STARD13: variants seen among roughly 807,000 people sequenced by gnomAD.
The protein encoded by STARD13 is stAR-related lipid transfer protein 13.
A neutral mutation model predicts 106.4 loss-of-function variants in STARD13; 62 were observed. The observed-to-expected ratio is 0.58, with a 90% confidence interval of 0.48 to 0.72. The LOEUF (loss-of-function observed/expected upper bound fraction) is 0.72. Among genes scored for constraint, STARD13 ranks in the 30% least tolerant of loss-of-function variants. The pLI, the probability that STARD13 is intolerant of heterozygous loss-of-function variation, is 0.00. For synonymous variants in STARD13, 565 were observed against 553.0 expected (o/e 1.02, Z -0.31); for missense variants, 1,387 against 1,424.0 (o/e 0.97, Z 0.42).
At chr13:33,622,295 A>C in the STARD13 span, among the ~76,000 whole-genome samples, 1 of 152,220 alleles carries the variant, frequency 6.6e-6, no homozygotes, top group African/African-American at 2.4e-5. Context: ...ACATAGACAT[A>C]AAATCTAACA....
the STARD13 span, among the ~76,000 whole-genome samples, chr13:33,638,963 T>C: frequency 1.3e-5 from 2 of 152,326 alleles, no homozygotes; most frequent in East Asian, 3.9e-4. Flanking sequence ...TTTTGGCATC[T>C]AATGACCTCA....
chr13:33,369,876 C>G, the STARD13 span, among the ~76,000 whole-genome samples: 3 of 152,106 alleles, frequency 2.0e-5, no homozygotes, highest in African/African-American at 7.2e-5. Flanking sequence ...AGTTCATAAG[C>G]TTTTAATTGT....
the STARD13 span, among the ~76,000 whole-genome samples, chr13:33,420,681 T>C: frequency 1.3e-5 from 2 of 152,216 alleles, no homozygotes; most frequent in African/African-American, 4.8e-5. Context: ...ACACTTATTA[T>C]AAAATTGACC....
the STARD13 span, chr13:33,658,102 C>T: frequency 6.6e-6 from 1 of 152,296 alleles, no homozygotes; most frequent in Non-Finnish European, 1.5e-5. Context: ...CACCATACTA[C>T]TTCCTGTCTC....
chr13:33,375,078 C>T, the STARD13 span, among the ~76,000 whole-genome samples: 46,349 of 151,994 alleles, frequency 0.3, 9,287 homozygotes, highest in African/African-American at 0.56. Context: ...GAAACTCTTC[C>T]GGGTAGAGAA....
At chr13:33,602,268 T>A in the STARD13 span, among the ~76,000 whole-genome samples, 9 of 152,050 alleles carry the variant, frequency 5.9e-5, no homozygotes, top group Admixed American at 6.6e-5. Flanking sequence ...ATTTTTTGTA[T>A]TGTTAGTAGA....
intron 1 of STARD13, among the ~76,000 whole-genome samples, chr13:33,329,643 T>TTGTGTGTGTGTGTG (rs1229779802): frequency 3.8e-5 from 4 of 104,014 alleles, no homozygotes; most frequent in African/African-American, 1.5e-4. Flanking sequence ...TAATATTCCA[T>TTGTGTGTGTGTGTG]TGTGTGTGTG....
At chr13:33,544,255 C>G in the STARD13 span, among the ~76,000 whole-genome samples, 1 of 152,100 alleles carries the variant, frequency 6.6e-6, no homozygotes, top group Non-Finnish European at 1.5e-5. Context: ...TACCCCCAGC[C>G]CACTCCCATC....
intron 1 of STARD13, among the ~76,000 whole-genome samples, chr13:33,202,101 T>C (rs1037104566): frequency 6.6e-5 from 10 of 152,224 alleles, no homozygotes; most frequent in Admixed American, 2.6e-4. Context: ...CCAAACTGCC[T>C]TTCAAAAAGA....
the STARD13 span, among the ~76,000 whole-genome samples, chr13:33,438,245 T>A: frequency 6.6e-6 from 1 of 152,260 alleles, no homozygotes; most frequent in Admixed American, 6.5e-5. Context: ...TCTAAAAGCT[T>A]CACAGGCTGC....
At chr13:33,663,843 C>A in the STARD13 span, among the ~76,000 whole-genome samples, 1 of 152,262 alleles carries the variant, frequency 6.6e-6, no homozygotes, top group East Asian at 1.9e-4. Context: ...ACAAGAAACC[C>A]CGGGTTCCAA....
chr13:33,343,107 C>T (rs1594286226), intron 1 of STARD13, among the ~76,000 whole-genome samples: 1 of 152,286 alleles, frequency 6.6e-6, no homozygotes, highest in East Asian at 1.9e-4. Context: ...GTCTAGTAGG[C>T]ATTCCAAAGC....
chr13:33,178,151 C>T lies in STARD13; in HGVS notation c.170-10529G>A, dbSNP rs149356324. Among the ~76,000 whole-genome samples the T allele has an allele frequency of 2.5e-4, 38 of 152,200 alleles. No homozygotes were observed. The East Asian group carries it at 7.2e-3, about 29-fold the overall frequency. ...ATGAAGATGTGTTCATGTATCTAGG[C>T]TAAGTATACTATCTATTTTACATAA... On this transcript the variant is annotated intron_variant, in intron 1 of 13. Transcript: ENST00000336934.
chr13:33,110,922 G>A lies in STARD13; in HGVS notation c.2608-15C>T, dbSNP rs772809972. Reference sequence around the variant, plus strand: ...TCGTGTGGAACCTAGACCAACGGATGCATGAAAGGGCAACACACTGAGCCA... The same window carrying A: ...TCGTGTGGAACCTAGACCAACGGATACATGAAAGGGCAACACACTGAGCCA... On this transcript the variant is annotated splice_polypyrimidine_tract_variant and intron_variant, in intron 10 of 13. Transcript: ENST00000336934. The A allele has an allele frequency of 2.5e-6, 4 of 1,600,756 alleles. No individual in the cohort carries two copies. Among genetic ancestry groups the A allele is most frequent in the Middle Eastern group, 2.2e-4 (1 of 4,604 alleles).
At chr13:33,556,844 C>T in the STARD13 span, among the ~76,000 whole-genome samples, 1 of 152,042 alleles carries the variant, frequency 6.6e-6, no homozygotes, top group Non-Finnish European at 1.5e-5. Context: ...CTTGGCTTCT[C>T]CTGGGTTCAA....
chr13:33,578,318 G>A, the STARD13 span, among the ~76,000 whole-genome samples: 1 of 151,926 alleles, frequency 6.6e-6, no homozygotes, highest in Non-Finnish European at 1.5e-5. Flanking sequence ...GATCAATGGA[G>A]TAGAATATAG....
At chr13:33,115,539 C>A (rs1875240601) in intron 8 of STARD13, among the ~76,000 whole-genome samples, 1 of 152,240 alleles carries the variant, frequency 6.6e-6, no homozygotes, top group Non-Finnish European at 1.5e-5. Flanking sequence ...TTCTTCCCTT[C>A]TTCCTCATTA....
intron 1 of STARD13, among the ~76,000 whole-genome samples, chr13:33,340,290 A>G (rs907444686): frequency 5.9e-5 from 9 of 152,174 alleles, no homozygotes; most frequent in African/African-American, 2.2e-4. Context: ...TGCAGCCTCA[A>G]CTTCCAGGGC....
At chr13:33,192,989 GCTATAACTCAT>G (rs1886356829) in intron 1 of STARD13, among the ~76,000 whole-genome samples, 1 of 152,210 alleles carries the variant, frequency 6.6e-6, no homozygotes, top group African/African-American at 2.4e-5. Flanking sequence ...CAAATGGGAT[GCTATAACTCAT>G]ACCACAGCTT....
Sources: allele counts gnomAD v4.1 joint callset (sites outside exome capture counted in the v4.1 genomes callset), GRCh38; gene constraint gnomAD v4.1.1; transcripts MANE v1.5; gene names NCBI Gene and HGNC (gene_info 2026-07-23, HGNC 2026-07-21).